MICAL2: variants seen among roughly 807,000 people sequenced by gnomAD.
The protein encoded by MICAL2 is [F-actin]-monooxygenase MICAL2.
MICAL2 carries 77 observed loss-of-function variants against 127.3 expected under a neutral mutation model. The observed-to-expected ratio is 0.60, with a 90% CI of 0.50 to 0.73. The LOEUF (loss-of-function observed/expected upper bound fraction) is 0.73. MICAL2 is among the 30% of genes least tolerant of loss of function. The pLI is 0.00. For missense variants in MICAL2, 1,351 were observed against 1,434.4 expected, an observed-to-expected ratio of 0.94 and a Z score of 0.94; for synonymous variants, 570 against 551.1, an observed-to-expected ratio of 1.03 and a Z score of -0.48.
chr11:12,316,818 C>A (rs994710711), intron 29 of MICAL2, among the ~76,000 whole-genome samples: 2 of 152,154 alleles, frequency 1.3e-5, no homozygotes, highest in Admixed American at 1.3e-4. Flanking sequence ...GGGTAACTTG[C>A]AGATCACTTG....
downstream of MICAL2, among the ~76,000 whole-genome samples, chr11:12,361,989 A>G (rs1021988146): frequency 3.9e-5 from 6 of 152,256 alleles, no homozygotes; most frequent in African/African-American, 1.2e-4. Flanking sequence ...TCTACTGTTT[A>G]TCTTCTAACC....
rs1431398169 is a variant in MICAL2 at position 12,333,587 on chromosome 11, T to G, written c.5515+6321T>G. Among the ~76,000 whole-genome samples, 11 of 152,286 alleles carry G rather than the reference T, an allele frequency of 7.2e-5. No individual in the cohort carries two copies. In the East Asian group the frequency reaches 2.1e-3, roughly 29 times the overall value. On this transcript the variant is annotated intron_variant, in intron 32 of 34. Transcript: ENST00000646065. ...GGTTTGGAAAGAAAGAAAAAAAATT[T>G]TGTTGTTTCCAGATGCTAGGATTGT...
At chr11:12,341,388 A>G (rs945725643) in intron 32 of MICAL2, among the ~76,000 whole-genome samples, 13 of 152,168 alleles carry the variant, frequency 8.5e-5, no homozygotes, top group African/African-American at 1.9e-4. Flanking sequence ...ACAAGACCCA[A>G]CTTGGATAAA....
rs971130978 is a variant in MICAL2 at position 12,229,136 on chromosome 11, T to A, written c.1995+2005T>A. On this transcript the variant is annotated intron_variant, in intron 15 of 27. Coordinates refer to ENST00000683283, the MANE Select transcript of MICAL2 (RefSeq NM_001282663.2). ...CCCAGCCTCCTTTCCCTGGGCTGTGTGAGCAGTGGTCACTTTTTCCACTGA... is the reference window on the plus strand; with the variant it reads ...CCCAGCCTCCTTTCCCTGGGCTGTGAGAGCAGTGGTCACTTTTTCCACTGA... Among the ~76,000 whole-genome samples the A allele has an allele frequency of 2.6e-5, 4 of 152,166 alleles. No homozygotes were observed. The South Asian group carries it at 8.3e-4, about 32-fold the overall frequency.
chr11:12,204,088 A>G (rs1489620402), intron 3 of MICAL2, among the ~76,000 whole-genome samples, 162 bp from the exon 4 acceptor site: 3 of 152,204 alleles, frequency 2.0e-5, no homozygotes, highest in African/African-American at 7.2e-5. Context: ...CAGGTAAGGT[A>G]CATTGGGTGG....
At chr11:12,278,424 G>A (rs540230356) in intron 1 of MICAL2, among the ~76,000 whole-genome samples, 94 of 152,226 alleles carry the variant, frequency 6.2e-4, no homozygotes, top group Admixed American at 1.6e-3. Flanking sequence ...CTTTCCCTAC[G>A]ATGTTAACAA....
At chr11:12,287,653 A>T (rs4757338), downstream of MICAL2, among the ~76,000 whole-genome samples, 1 of 152,120 alleles carries the variant, frequency 6.6e-6, no homozygotes, top group Non-Finnish European at 1.5e-5. Flanking sequence ...ATACACACAC[A>T]TACACACCTG....
Position 12,151,893 on chromosome 11 carries a change from C to G in MICAL2, c.-77-10186C>G, listed in dbSNP as rs544880493. ...ACCCACCAAGGCTCCAAAGACACCTCTCAGCTTAGCTTTCACTGGTGGATT... is the reference window on the plus strand; with the variant it reads ...ACCCACCAAGGCTCCAAAGACACCTGTCAGCTTAGCTTTCACTGGTGGATT... On this transcript the variant is annotated intron_variant, in intron 2 of 27. Transcript: ENST00000683283. Among the ~76,000 whole-genome samples the G allele has an allele frequency of 4.0e-4, 61 of 152,318 alleles. 2 individuals carry two copies. The South Asian group carries it at 0.012, about 31-fold the overall frequency.
chr11:12,361,473 G>A (rs771519714), downstream of MICAL2, among the ~76,000 whole-genome samples: 3 of 152,114 alleles, frequency 2.0e-5, no homozygotes, highest in Non-Finnish European at 4.4e-5. Context: ...TTCTACTCAC[G>A]TTTATCTCAA....
In MICAL2 at chr11:12,220,441, G is replaced by T; in HGVS notation, c.1189G>T (p.Gly397Cys). The change falls in exon 9 of 28, where the codon GGT becomes TGT. Residue 397 changes from glycine (G) to cysteine (C), a missense_variant. By Grantham distance (159) the Gly-to-Cys change is radical (BLOSUM62 -3). Transcript: ENST00000683283. ...QAHQLLVALV[G>C]DSLLEPFWPM... ...GCACCAGCTGCTCGTGGCCCTTGTGGGTGACAGCTTGCTTGAGGTACTGCC... is the reference window on the plus strand; with the variant it reads ...GCACCAGCTGCTCGTGGCCCTTGTGTGTGACAGCTTGCTTGAGGTACTGCC... 6.2e-7 allele frequency: 1 copy of T among 1,610,154 alleles called. No individual in the cohort carries two copies.
At chr11:12,132,122 T>A (rs914545793) in intron 1 of MICAL2, among the ~76,000 whole-genome samples, 1 of 152,102 alleles carries the variant, frequency 6.6e-6, no homozygotes, top group Non-Finnish European at 1.5e-5. Context: ...GCAACACCCA[T>A]CCTCCTACCA....
intron 25 of MICAL2, among the ~76,000 whole-genome samples, chr11:12,258,927 G>T (rs1862713567): frequency 6.6e-6 from 1 of 152,192 alleles, no homozygotes; most frequent in Admixed American, 6.5e-5. Flanking sequence ...CCTGGTATAG[G>T]ACCGACCCTT....
intron 2 of MICAL2, among the ~76,000 whole-genome samples, chr11:12,155,750 T>G (rs1022519765): frequency 6.6e-6 from 1 of 152,244 alleles, no homozygotes; most frequent in Non-Finnish European, 1.5e-5. Flanking sequence ...AGACGTGTTT[T>G]GAGGATTCCT....
intron 1 of MICAL2, among the ~76,000 whole-genome samples, chr11:12,129,588 G>T (rs1236085185): frequency 6.7e-6 from 1 of 148,980 alleles, no homozygotes; most frequent in Non-Finnish European, 1.5e-5. Flanking sequence ...AGGTCATGTG[G>T]TGACCAGCCG....
chr11:12,139,515 G>A (rs929115270), intron 2 of MICAL2, among the ~76,000 whole-genome samples: 2 of 152,166 alleles, frequency 1.3e-5, no homozygotes, highest in African/African-American at 4.8e-5. Context: ...GGCAGCCGGC[G>A]TGCATGTCAG....
intron 26 of MICAL2, chr11:12,261,066 T>C: frequency 1.8e-5 from 18 of 985,544 alleles, no homozygotes; most frequent in Non-Finnish European, 2.2e-5. Flanking sequence ...GCCAAGGCTG[T>C]GCAGGGTCCA....
intron 21 of MICAL2, among the ~76,000 whole-genome samples, chr11:12,248,640 G>T (rs777530365): frequency 4.9e-5 from 7 of 143,602 alleles, no homozygotes; most frequent in Non-Finnish European, 9.2e-5. Flanking sequence ...CTCTACCCTT[G>T]GGGTGTTTGT....
chr11:12,286,913 T>A, intron 2 of MICAL2: 1 of 385,054 alleles, frequency 2.6e-6, no homozygotes, highest in East Asian at 3.7e-5. Flanking sequence ...TTTGGTAGAG[T>A]GTGTTGTGGG....
At chr11:12,261,306 A>C in intron 26 of MICAL2, 1 of 985,506 alleles carries the variant, frequency 1.0e-6, no homozygotes, top group South Asian at 4.7e-5. Context: ...CCTCCAGGGG[A>C]AGCTCTACCA....
Sources: gnomAD v4.1 joint callset for allele counts (sites outside exome capture counted in the v4.1 genomes callset) on GRCh38, gnomAD v4.1.1 for gene constraint, MANE v1.5 for transcripts, NCBI Gene and HGNC (gene_info 2026-07-23, HGNC 2026-07-21) for gene names.